Variants in GRM5 observed in about 807,000 individuals in gnomAD.
The protein encoded by GRM5 is glutamate metabotropic receptor 5, also known as metabotropic glutamate receptor 5.
In GRM5, 19 loss-of-function variants were observed where a neutral mutation model predicts 83.1. The observed-to-expected ratio is 0.23, with a 90% confidence interval of 0.16 to 0.34. GRM5 has a LOEUF of 0.34. Ranked by LOEUF, GRM5 falls within the 10% of genes least tolerant of loss-of-function variation. The pLI, the probability that GRM5 is intolerant of heterozygous loss-of-function variation, is 1.00. For missense variants in GRM5, 1,160 were observed against 1,588.3 expected (o/e 0.73, Z 4.58); for synonymous variants, 675 against 633.6 (o/e 1.07, Z -0.98).
At chr11:88,755,800 T>A (rs1942383583) in intron 3 of GRM5, among the ~76,000 whole-genome samples, 2 of 152,160 alleles carry the variant, frequency 1.3e-5, no homozygotes, top group South Asian at 4.1e-4. Context: ...AATCTGGCAC[T>A]TTTATTGTCA....
chr11:89,005,595 G>A (rs960084234), intron 2 of GRM5, among the ~76,000 whole-genome samples: 2 of 152,078 alleles, frequency 1.3e-5, no homozygotes, highest in Non-Finnish European at 2.9e-5. Flanking sequence ...TAAGTTACTC[G>A]GTTTTTCCTC....
intron 2 of GRM5, among the ~76,000 whole-genome samples, chr11:88,974,478 TATA>T: frequency 6.6e-6 from 1 of 152,152 alleles, no homozygotes; most frequent in East Asian, 1.9e-4. Context: ...AATAAATGCT[TATA>T]ATATTAATTG....
At chr11:88,619,767 A>C (rs1938583385) in intron 4 of GRM5, among the ~76,000 whole-genome samples, 1 of 152,184 alleles carries the variant, frequency 6.6e-6, no homozygotes, top group Non-Finnish European at 1.5e-5. Flanking sequence ...ATACTTTCAG[A>C]TTGTCCTCAC....
intron 2 of GRM5, among the ~76,000 whole-genome samples, chr11:88,873,946 T>C (rs1162950327): frequency 4.6e-5 from 7 of 151,688 alleles, no homozygotes; most frequent in African/African-American, 1.4e-4. Context: ...TAAACAACTA[T>C]ACCCCTAACA....
At chr11:88,548,484 A>T (rs1046685233) in intron 8 of GRM5, among the ~76,000 whole-genome samples, 1 of 152,216 alleles carries the variant, frequency 6.6e-6, no homozygotes, top group African/African-American at 2.4e-5. Context: ...ATATCAATTC[A>T]TTATGCGAAG....
intron 5 of GRM5, among the ~76,000 whole-genome samples, chr11:88,601,706 C>T (rs547675504): frequency 4.6e-5 from 7 of 152,252 alleles, no homozygotes; most frequent in South Asian, 4.1e-4. Context: ...TGGGTGTCCA[C>T]GTTTCCTCTG....
chr11:88,926,691 A>G (rs572404308), intron 2 of GRM5, among the ~76,000 whole-genome samples: 1 of 152,312 alleles, frequency 6.6e-6, no homozygotes, highest in Non-Finnish European at 1.5e-5. Context: ...ATCTTACAGT[A>G]TGCTCCATTG....
chr11:89,020,136 A>C, intron 2 of GRM5, among the ~76,000 whole-genome samples: 1 of 152,332 alleles, frequency 6.6e-6, no homozygotes, highest in East Asian at 1.9e-4. Flanking sequence ...AATTTAATTT[A>C]ACCCACATAA....
chr11:88,988,095 G>T (rs1481544340), intron 2 of GRM5, among the ~76,000 whole-genome samples: 3 of 148,828 alleles, frequency 2.0e-5, no homozygotes, highest in Non-Finnish European at 4.5e-5. Context: ...CAAAGGCAAA[G>T]AAGTTGAAAA....
intron 3 of GRM5, among the ~76,000 whole-genome samples, chr11:88,744,414 G>A (rs948683676): frequency 1.3e-5 from 2 of 152,088 alleles, no homozygotes; most frequent in Non-Finnish European, 2.9e-5. Flanking sequence ...AGGCTAGTGG[G>A]GACTTCAGAA....
At chr11:88,960,021 A>T (rs1590998357) in intron 2 of GRM5, among the ~76,000 whole-genome samples, 1 of 152,114 alleles carries the variant, frequency 6.6e-6, no homozygotes, top group East Asian at 1.9e-4. Flanking sequence ...GGATGAAGGG[A>T]GGAAGCAAGC....
intron 2 of GRM5, among the ~76,000 whole-genome samples, chr11:88,992,921 C>G (rs746820696): frequency 6.6e-6 from 1 of 151,584 alleles, no homozygotes; most frequent in Non-Finnish European, 1.5e-5. Context: ...ATGTAAATGA[C>G]GAGTTAATGG....
At position 88,978,004 on chromosome 11, in the gene GRM5, T is replaced by C. The variant is rs1248378836; in HGVS notation, c.661+69208A>G. Among the ~76,000 whole-genome samples the C allele has an allele frequency of 2.6e-5, 4 of 152,230 alleles. No individual in the cohort carries two copies. The East Asian group carries it at 7.7e-4, about 29-fold the overall frequency. On this transcript the variant is annotated intron_variant, in intron 2 of 9. Transcript: ENST00000305447. ...ATTTCTGCTTATACATCCTTAAGTA[T>C]ATCATCTACTTTATTGGGTATCATA...
At chr11:88,905,366 C>T (rs745375987) in intron 2 of GRM5, among the ~76,000 whole-genome samples, 2 of 151,972 alleles carry the variant, frequency 1.3e-5, no homozygotes, top group South Asian at 2.1e-4. Context: ...TATTTTGAGA[C>T]GGAGTCTTGC....
chr11:88,555,906 A>T lies in GRM5; in HGVS notation c.2630+11147T>A, dbSNP rs575410246. Among the ~76,000 whole-genome samples the T allele has an allele frequency of 3.3e-5, 5 of 152,290 alleles. No individual in the cohort carries two copies. In the South Asian group the frequency reaches 1.0e-3, roughly 32 times the overall value. On this transcript the variant is annotated intron_variant, in intron 8 of 9. Transcript: ENST00000305447. ...TGTAATTAAGTAAAGATGGATCCACATGTTCTGGGCCAAGTTAAAACTCAT... is the reference window on the plus strand; with the variant it reads ...TGTAATTAAGTAAAGATGGATCCACTTGTTCTGGGCCAAGTTAAAACTCAT...
At chr11:89,029,931 A>C (rs1941222544) in intron 2 of GRM5, among the ~76,000 whole-genome samples, 1 of 152,150 alleles carries the variant, frequency 6.6e-6, no homozygotes, top group Non-Finnish European at 1.5e-5. Context: ...TGTAGATGTC[A>C]TATTACACAA....
chr11:88,787,588 A>G (rs1943097541), intron 3 of GRM5, among the ~76,000 whole-genome samples: 1 of 152,092 alleles, frequency 6.6e-6, no homozygotes, highest in African/African-American at 2.4e-5. Flanking sequence ...CAAGAATGGA[A>G]CTGGAATAAT....
At chr11:88,946,502 T>C (rs1277278916) in intron 2 of GRM5, among the ~76,000 whole-genome samples, 1 of 152,114 alleles carries the variant, frequency 6.6e-6, no homozygotes, top group Non-Finnish European at 1.5e-5. Flanking sequence ...ATTAAAATTA[T>C]GTTCTTTGCA....
At chr11:88,630,985 C>T (rs547713881) in intron 4 of GRM5, among the ~76,000 whole-genome samples, 11 of 152,244 alleles carry the variant, frequency 7.2e-5, no homozygotes, top group South Asian at 2.1e-4. Context: ...GTGGGGACAG[C>T]GGTTTCTTTA....
Sources: gnomAD v4.1 joint callset for allele counts (sites outside exome capture counted in the v4.1 genomes callset) on GRCh38, gnomAD v4.1.1 for gene constraint, MANE v1.5 for transcripts, NCBI Gene and HGNC (gene_info 2026-07-23, HGNC 2026-07-21) for gene names.